RGL1: variants seen among roughly 807,000 people sequenced by gnomAD.
RGL1 encodes the protein ral guanine nucleotide dissociation stimulator like 1.
RGL1 carries 24 observed loss-of-function variants against 95.2 expected under a neutral mutation model. The ratio of observed to expected loss-of-function variants is 0.25; its 90% CI spans 0.18 to 0.35. The LOEUF (loss-of-function observed/expected upper bound fraction) is 0.35, where lower values mean the gene tolerates loss of function less well. RGL1 is among the 10% of genes least tolerant of loss of function. The pLI, the probability that RGL1 is intolerant of heterozygous loss-of-function variation, is 1.00. For synonymous variants in RGL1, 329 were observed against 344.9 expected (o/e 0.95, Z 0.51); for missense variants, 715 against 936.3 (o/e 0.76, Z 3.08).
intron 1 of RGL1, among the ~76,000 whole-genome samples, chr1:183,661,159 A>G (rs1651592194): frequency 6.6e-6 from 1 of 152,234 alleles, no homozygotes; most frequent in Non-Finnish European, 1.5e-5. Context: ...TAGAAAAGCA[A>G]GAGCAAAGAC....
intron 2 of RGL1, among the ~76,000 whole-genome samples, chr1:183,828,185 C>A (rs186295234): frequency 1.4e-4 from 22 of 152,278 alleles, no homozygotes; most frequent in African/African-American, 4.8e-4. Flanking sequence ...ACAAGAGAAA[C>A]CTATGTTTTA....
At chr1:183,783,155 GT>G (rs1224108595) in intron 2 of RGL1, among the ~76,000 whole-genome samples, 1 of 152,082 alleles carries the variant, frequency 6.6e-6, no homozygotes, top group African/African-American at 2.4e-5. Flanking sequence ...TTTCTACTGG[GT>G]TACTGAATTT....
chr1:183,882,269 A>T (rs1421698841), intron 5 of RGL1, among the ~76,000 whole-genome samples: 1 of 152,226 alleles, frequency 6.6e-6, no homozygotes, highest in Non-Finnish European at 1.5e-5. Flanking sequence ...CATTATAGAC[A>T]CACATTGGGC....
In RGL1 at chr1:183,916,506, G is replaced by A. The variant is rs1668980803; in HGVS notation, c.1809G>A (p.Gly603=). ...ATTCCATGGACACAAATTCCTCAGG[G>A]ATGTCTTCCTTAATCAACCCCCTCT... ...SIHSMDTNSS[G]MSSLINPLSS... The change falls in exon 16 of 18, where the codon GGG becomes GGA. Residue 603 remains glycine, a synonymous_variant. Transcript: ENST00000360851. 1 of 1,613,068 alleles carries A rather than the reference G, an allele frequency of 6.2e-7. No individual in the cohort carries two copies. The highest frequency in any genetic ancestry group is 1.1e-5 in the South Asian group (1 of 91,044).
chr1:183,636,444 T>A, exon 1 of RGL1: 1 of 344,180 alleles, frequency 2.9e-6, no homozygotes. Context: ...AAAGGTCAAA[T>A]CTTATCTGTC....
rs1290977855 is a variant in RGL1, at chr1:183,905,108, G to GGC, written c.1472+140_1472+141dup. 9.3e-6 allele frequency: 10 copies of GGC among 1,073,076 alleles called. No individual in the cohort carries two copies. In the Admixed American group the frequency reaches 3.1e-4, roughly 33 times the overall value. 66.5% of individuals were successfully genotyped at this position (1,073,076 alleles called of 1,614,324 possible). A position where few individuals can be genotyped will look rare whatever the true frequency, so the allele number is the denominator to read the frequency against. ...AGGTTCCAGGTCCTTGGTTTTCAAAGGCGCATGGTGTGGCAGGAAAGGCTG... is the reference window on the plus strand; with the variant it reads ...AGGTTCCAGGTCCTTGGTTTTCAAAGGCGCGCATGGTGTGGCAGGAAAGGCTG... On this transcript the variant is annotated intron_variant, in intron 13 of 17. Transcript: ENST00000360851.
intron 1 of RGL1, among the ~76,000 whole-genome samples, chr1:183,722,537 C>A (rs554794697): frequency 1.3e-5 from 2 of 152,194 alleles, no homozygotes; most frequent in South Asian, 4.1e-4. Context: ...ACTTCATTAT[C>A]AAATTACAGC....
chr1:183,802,596 T>G (rs1661052749), upstream of RGL1, among the ~76,000 whole-genome samples: 1 of 35,502 alleles, frequency 2.8e-5, no homozygotes, highest in Non-Finnish European at 5.8e-5. Flanking sequence ...TTTAGGTGTA[T>G]CAGCAAAAAA....
chr1:183,724,593 G>T lies in RGL1; in HGVS notation c.-32-17533G>T, dbSNP rs544014444. 3.3e-5 allele frequency among the ~76,000 whole-genome samples: 5 copies of T among 152,216 alleles called. No homozygotes were observed. Among genetic ancestry groups the T allele is most frequent in the African/African-American group, 1.2e-4 (5 of 41,530 alleles). On this transcript the variant is annotated intron_variant, in intron 1 of 18. Coordinates refer to the RGL1 transcript ENST00000304685. The surrounding 1 kb of genome is among the most constrained non-coding windows in gnomAD (Gnocchi z 4.1). ...GAGACTCCTCTGCTTGTGGAAGGGGGAGGGAGGAGTATGAGGGACTTTATA... is the reference window on the plus strand; with the variant it reads ...GAGACTCCTCTGCTTGTGGAAGGGGTAGGGAGGAGTATGAGGGACTTTATA...
intron 7 of RGL1, among the ~76,000 whole-genome samples, chr1:183,885,837 G>T (rs1158180534): frequency 6.6e-6 from 1 of 152,144 alleles, no homozygotes; most frequent in African/African-American, 2.4e-5. Context: ...AAAAGTGGGG[G>T]AGAGAGAAAT....
rs973264211 is a variant in RGL1, at chr1:183,782,183, A to G, written c.133-24192A>G. On this transcript the variant is annotated intron_variant, in intron 2 of 18. Transcript: ENST00000304685. ...GGCACTCTGTCCCCAGATACCTGCC[A>G]CAAAGATACCAGGGCTCCAATTCCA... Among the ~76,000 whole-genome samples the G allele has an allele frequency of 2.6e-5, 4 of 152,222 alleles. No homozygotes were observed. The East Asian group carries it at 5.8e-4, about 22-fold the overall frequency.
intron 4 of RGL1, among the ~76,000 whole-genome samples, chr1:183,868,144 A>G (rs1169932377): frequency 6.6e-6 from 1 of 152,214 alleles, no homozygotes; most frequent in Non-Finnish European, 1.5e-5. Flanking sequence ...CCGTCTGGGT[A>G]TAGGAAACAG....
intron 1 of RGL1, among the ~76,000 whole-genome samples, chr1:183,726,860 A>G (rs1656339800): frequency 6.6e-6 from 1 of 152,180 alleles, no homozygotes; most frequent in South Asian, 2.1e-4. Flanking sequence ...GAAATGCTCC[A>G]ATGAGCATGT....
Position 183,902,696 on chromosome 1 carries a change from A to T in RGL1, c.1350+96A>T, listed in dbSNP as rs1668097668. ...TTTTTTGTAGAGGCAGAAAAAAATG[A>T]GTTAGCACCTACTGAACGTTTATCA... On this transcript the variant is annotated intron_variant, in intron 12 of 17. Coordinates refer to ENST00000360851, the MANE Select transcript of RGL1 (RefSeq NM_001297671.3). 1.1e-5 allele frequency: 12 copies of T among 1,135,010 alleles called. No homozygotes were observed. In the East Asian group the frequency reaches 2.8e-4, roughly 27 times the overall value. The allele number at this position is 1,135,010 out of a possible 1,614,324, so 70.3% of individuals were successfully genotyped here. A position where few individuals can be genotyped will look rare whatever the true frequency, so the allele number is the denominator to read the frequency against.
intron 1 of RGL1, among the ~76,000 whole-genome samples, chr1:183,682,190 T>G (rs1402576280): frequency 6.6e-6 from 1 of 152,162 alleles, no homozygotes; most frequent in Non-Finnish European, 1.5e-5. Flanking sequence ...CTGGTCTTAG[T>G]TATTTCTTGT....
At chr1:183,814,120 G>A (rs546285010) in intron 2 of RGL1, among the ~76,000 whole-genome samples, 32 of 152,262 alleles carry the variant, frequency 2.1e-4, no homozygotes, top group African/African-American at 7.5e-4. Context: ...GAGGAAGAAA[G>A]GAAGGACTAA....
chr1:183,750,507 GC>G (rs1171485212), intron 2 of RGL1, among the ~76,000 whole-genome samples: 1 of 152,172 alleles, frequency 6.6e-6, no homozygotes, highest in African/African-American at 2.4e-5. Flanking sequence ...GTTAGAACAT[GC>G]CCCTTTAGCT....
intron 1 of RGL1, among the ~76,000 whole-genome samples, chr1:183,668,655 G>A (rs547474772): frequency 2.0e-5 from 3 of 151,868 alleles, no homozygotes; most frequent in African/African-American, 7.2e-5. Flanking sequence ...GAATATCTAT[G>A]CCTAAGCATA....
chr1:183,711,817 G>T (rs553668562), intron 1 of RGL1, among the ~76,000 whole-genome samples: 3 of 152,232 alleles, frequency 2.0e-5, no homozygotes, highest in South Asian at 4.1e-4. Context: ...AGAAGAAGAA[G>T]ACATTCACAG....
Sources: allele counts gnomAD v4.1 joint callset (sites outside exome capture counted in the v4.1 genomes callset), GRCh38; gene constraint gnomAD v4.1.1; non-coding constraint Gnocchi (gnomAD v3.1); transcripts MANE v1.5; gene names NCBI Gene and HGNC (gene_info 2026-07-23, HGNC 2026-07-21).